Variants in ZNF705B observed in about 807,000 individuals in gnomAD.
ZNF705B encodes the protein Putative zinc finger protein 705D-like protein LOC100132396.
ZNF705B carries 1 observed loss-of-function variant against 10.5 expected under a neutral mutation model. The observed-to-expected ratio is 0.10, with a 90% CI of 0.03 to 0.45. The LOEUF (loss-of-function observed/expected upper bound fraction) is 0.45, where lower values mean the gene tolerates loss of function less well. ZNF705B is among the 20% of genes least tolerant of loss of function. ZNF705B has a pLI of 0.97. For synonymous variants in ZNF705B, 4 were observed against 25.4 expected (o/e 0.16, Z 2.53); for missense variants, 14 against 84.0 (o/e 0.17, Z 3.26).
At chr8:7,928,223 C>T (rs1368610529) in intron 1 of ZNF705B, among the ~76,000 whole-genome samples, 1 of 113,544 alleles carries the variant, frequency 8.8e-6, no homozygotes, top group South Asian at 3.2e-4. Context: ...AGCTCCACGA[C>T]TTAATCACCT....
At chr8:7,929,121 C>T (rs528705538) in intron 1 of ZNF705B, among the ~76,000 whole-genome samples, 1,989 of 120,880 alleles carry the variant, frequency 0.016, 89 homozygotes, top group African/African-American at 0.045. Flanking sequence ...TTTAACCTCT[C>T]CTTAATGATT....
In ZNF705B at chr8:7,941,811, AT is replaced by A. The variant is rs1235916498; in HGVS notation, c.-71-5534del. Among the ~76,000 whole-genome samples the A allele has an allele frequency of 3.2e-5, 2 of 62,622 alleles. 1 individual carries two copies. The highest frequency in any genetic ancestry group is 7.1e-5 in the Non-Finnish European group (2 of 28,364). The allele number at this position is 62,622 out of a possible 152,430, so 41.1% of individuals were successfully genotyped here. A position where few individuals can be genotyped will look rare whatever the true frequency, so the allele number is the denominator to read the frequency against. On this transcript the variant is annotated intron_variant, in intron 2 of 6. Transcript: ENST00000400120. ...AGGCACCCACCACCATGCCCAGCTA[AT>A]TTTTTGTAATTTTTTTTTTCTTTTT...
intron 1 of ZNF705B, among the ~76,000 whole-genome samples, chr8:7,927,878 A>G (rs1164993580): frequency 7.1e-6 from 1 of 141,842 alleles, no homozygotes; most frequent in East Asian, 2.2e-4. Flanking sequence ...TGGCTTCTCA[A>G]CACATACTGA....
chr8:7,937,685 A>G (rs1820053039), intron 2 of ZNF705B, among the ~76,000 whole-genome samples: 1 of 114,356 alleles, frequency 8.7e-6, no homozygotes, highest in African/African-American at 2.6e-5. Context: ...AAGGATAATA[A>G]TCTTATGTCA....
In ZNF705B at chr8:7,926,777, C is replaced by G. The variant is rs1330668916; in HGVS notation, c.-222+380C>G. ...AATTCAGACAACCTTTTATGCACGA[C>G]CCTGTTCATTCTCTAAACCTCAAGC... On this transcript the variant is annotated intron_variant, in intron 1 of 6. Coordinates refer to ENST00000400120, the MANE Select transcript of ZNF705B (RefSeq NM_001193630.1). Among the ~76,000 whole-genome samples the G allele has an allele frequency of 1.8e-5, 2 of 112,936 alleles. 1 individual carries two copies. The highest frequency in any genetic ancestry group is 2.0e-4 in the Admixed American group (2 of 9,876). 74.1% of individuals were successfully genotyped at this position (112,936 alleles called of 152,430 possible).
intron 2 of ZNF705B, among the ~76,000 whole-genome samples, chr8:7,935,736 G>A (rs1254379361): frequency 3.4e-5 from 3 of 87,574 alleles, no homozygotes; most frequent in Admixed American, 2.9e-4. Flanking sequence ...GGAAATAAAG[G>A]TCATGCTTTT....
Position 7,926,745 on chromosome 8 carries a change from G to A in ZNF705B, c.-222+348G>A, listed in dbSNP as rs1348351822. On this transcript the variant is annotated intron_variant, in intron 1 of 6. Transcript: ENST00000400120. ...ATGCAGACTTTCCCCCTTTGTTAGG[G>A]AAGTGCAATTCAGACAACCTTTTAT... Among the ~76,000 whole-genome samples, 3 of 115,030 alleles carry A rather than the reference G, an allele frequency of 2.6e-5. 1 individual carries two copies. The highest frequency in any genetic ancestry group is 7.9e-5 in the African/African-American group (3 of 38,212). 75.5% of individuals were successfully genotyped at this position (115,030 alleles called of 152,430 possible).
intron 2 of ZNF705B, among the ~76,000 whole-genome samples, chr8:7,941,121 G>A (rs1391577989): frequency 2.0e-5 from 3 of 147,950 alleles, no homozygotes; most frequent in Non-Finnish European, 3.0e-5. Context: ...CCATGTCTTT[G>A]CTGTTGTGAA....
At chr8:7,926,747 A>C in intron 1 of ZNF705B, among the ~76,000 whole-genome samples, 1 of 115,410 alleles carries the variant, frequency 8.7e-6, no homozygotes, top group Admixed American at 1.0e-4. Context: ...TTGTTAGGGA[A>C]GTGCAATTCA....
intron 2 of ZNF705B, among the ~76,000 whole-genome samples, chr8:7,940,473 T>A (rs1820119864): frequency 8.5e-6 from 1 of 117,944 alleles, no homozygotes; most frequent in Non-Finnish European, 2.0e-5. Context: ...TCTACCCTTT[T>A]AGCAAATTTT....
rs1183297275 is a variant in ZNF705B, at chr8:7,934,291, C to CT, written c.-72+3861dup. ...TTGTGCTGGTTGGTTTTGGTTTATT[C>CT]TTTTTTGAGGATTCAATAAAAATCC... On this transcript the variant is annotated intron_variant, in intron 2 of 6. Transcript: ENST00000400120. 5.8e-5 allele frequency: 57 copies of CT among 975,402 alleles called. 1 individual carries two copies. Among genetic ancestry groups the CT allele is most frequent in the Non-Finnish European group, 7.7e-5 (52 of 677,680 alleles). The allele number at this position is 975,402 out of a possible 1,614,324, so 60.4% of individuals were successfully genotyped here. A position where few individuals can be genotyped will look rare whatever the true frequency, so the allele number is the denominator to read the frequency against.
intron 1 of ZNF705B, 25 bp from the exon 2 acceptor site, chr8:7,930,262 C>T (rs1206666136): frequency 2.7e-5 from 3 of 111,084 alleles, no homozygotes; most frequent in Non-Finnish European, 6.4e-5. Context: ...GTTAGTTTCC[C>T]AGCTGAATTC....
At chr8:7,935,841 A>G (rs1287316901) in intron 2 of ZNF705B, among the ~76,000 whole-genome samples, 3 of 91,236 alleles carry the variant, frequency 3.3e-5, no homozygotes, top group African/African-American at 8.2e-5. Flanking sequence ...TCTTCCTTTT[A>G]TCTGTAAGTA....
chr8:7,941,037 G>A (rs1181812869), intron 2 of ZNF705B, among the ~76,000 whole-genome samples: 1 of 149,400 alleles, frequency 6.7e-6, no homozygotes, highest in Non-Finnish European at 1.5e-5. Context: ...TTTTATGGCT[G>A]CATAGTATTC....
rs370148507 is a variant in ZNF705B, at chr8:7,929,396, G to A, written c.-221-891G>A. 9.9e-5 allele frequency among the ~76,000 whole-genome samples: 12 copies of A among 121,580 alleles called. 3 individuals carry two copies. The South Asian group carries it at 3.3e-3, about 33-fold the overall frequency. The allele number at this position is 121,580 out of a possible 152,430, so 79.8% of individuals were successfully genotyped here. On this transcript the variant is annotated intron_variant, in intron 1 of 6. Coordinates refer to ENST00000400120, the MANE Select transcript of ZNF705B (RefSeq NM_001193630.1). ...ATTTCCAAAAGGAAAGTTGATAGAT[G>A]CAGAGACATGAAATGAATGAGGATA...
At chr8:7,927,037 C>T (rs1373409809) in intron 1 of ZNF705B, among the ~76,000 whole-genome samples, 2 of 119,706 alleles carry the variant, frequency 1.7e-5, no homozygotes, top group African/African-American at 5.0e-5. Context: ...TTTCAAGACT[C>T]GTGGTACGTG....
At chr8:7,927,871 C>T (rs1429346931) in intron 1 of ZNF705B, among the ~76,000 whole-genome samples, 1 of 142,278 alleles carries the variant, frequency 7.0e-6, no homozygotes, top group Non-Finnish European at 1.6e-5. Flanking sequence ...TACCTTTTGG[C>T]TTCTCAACAC....
At chr8:7,928,911 A>G (rs4840823) in intron 1 of ZNF705B, among the ~76,000 whole-genome samples, 1 of 105,678 alleles carries the variant, frequency 9.5e-6, no homozygotes, top group Non-Finnish European at 2.3e-5. Flanking sequence ...TACAAAAAGG[A>G]ATACAGAGTG....
chr8:7,937,501 T>A (rs1820048361), intron 2 of ZNF705B, among the ~76,000 whole-genome samples: 1 of 112,738 alleles, frequency 8.9e-6, no homozygotes. Context: ...CAAAATGTGT[T>A]TATCCAAATT....
Sources: gnomAD v4.1 joint callset for allele counts (sites outside exome capture counted in the v4.1 genomes callset) on GRCh38, gnomAD v4.1.1 for gene constraint, MANE v1.5 for transcripts, NCBI Gene and HGNC (gene_info 2026-07-23, HGNC 2026-07-21) for gene names.